The following CSMD1 variants were observed in gnomAD, a reference collection of about 807,000 sequenced individuals.
CSMD1 encodes the protein CUB and Sushi multiple domains 1, also known as CUB and sushi domain-containing protein 1.
A neutral mutation model predicts 417.5 loss-of-function variants in CSMD1; 213 were observed. That is an observed-to-expected ratio of 0.51 (90% CI 0.46 to 0.57). The LOEUF is 0.57. Ranked by LOEUF, CSMD1 falls within the 20% of genes least tolerant of loss-of-function variation. The pLI, the probability that CSMD1 is intolerant of heterozygous loss-of-function variation, is 0.00. For missense variants in CSMD1, 6,923 were observed against 4,529.7 expected (o/e 1.53, Z -15.17); for synonymous variants, 2,862 against 1,736.8 (o/e 1.65, Z -16.11).
intron 23 of CSMD1, among the ~76,000 whole-genome samples, chr8:3,324,752 C>T (rs751205577): frequency 6.6e-6 from 1 of 152,196 alleles, no homozygotes; most frequent in Non-Finnish European, 1.5e-5. Flanking sequence ...TTCCTTCACC[C>T]CACCTTCCAT....
chr8:4,366,263 TTC>T (rs748319565), intron 3 of CSMD1, among the ~76,000 whole-genome samples: 1,624 of 152,122 alleles, frequency 0.011, 30 homozygotes, highest in African/African-American at 0.036. Context: ...TCTTTTTTTT[TTC>T]TGTTTTATGG....
intron 3 of CSMD1, among the ~76,000 whole-genome samples, chr8:4,231,115 T>C (rs1801698488): frequency 6.6e-6 from 1 of 152,188 alleles, no homozygotes; most frequent in South Asian, 2.1e-4. Flanking sequence ...AGGATATATG[T>C]TGAACTACAG....
At chr8:3,231,565 T>C (rs994029921) in intron 26 of CSMD1, among the ~76,000 whole-genome samples, 32 of 152,290 alleles carry the variant, frequency 2.1e-4, no homozygotes, top group African/African-American at 6.5e-4. Flanking sequence ...TCCATTTAAA[T>C]AAAAAGTTAG....
intron 2 of CSMD1, among the ~76,000 whole-genome samples, chr8:4,583,065 CG>C (rs781227432): frequency 3.9e-5 from 6 of 152,186 alleles, no homozygotes; most frequent in Non-Finnish European, 7.4e-5. Flanking sequence ...TGCCTTCCCG[CG>C]GGGCAGGGCT....
At chr8:3,786,516 G>A (rs763151384) in intron 5 of CSMD1, among the ~76,000 whole-genome samples, 1 of 152,170 alleles carries the variant, frequency 6.6e-6, no homozygotes, top group African/African-American at 2.4e-5. Context: ...GTGGGTGAGA[G>A]CCAAGAATAT....
intron 3 of CSMD1, among the ~76,000 whole-genome samples, chr8:4,391,734 G>A (rs533579513): frequency 3.9e-5 from 6 of 152,120 alleles, no homozygotes; most frequent in Non-Finnish European, 8.8e-5. Context: ...AGTGCAATGT[G>A]CCTGAAGCCT....
At chr8:4,061,033 G>C (rs541618941) in intron 3 of CSMD1, among the ~76,000 whole-genome samples, 5 of 149,758 alleles carry the variant, frequency 3.3e-5, no homozygotes, top group Admixed American at 6.8e-5. Flanking sequence ...TACCCATTGT[G>C]ATTAATTTAT....
chr8:4,983,200 C>T (rs545967561), intron 1 of CSMD1, among the ~76,000 whole-genome samples: 2 of 152,308 alleles, frequency 1.3e-5, no homozygotes, highest in East Asian at 3.9e-4. Flanking sequence ...TTGACAAGTT[C>T]TAGTCTCAGT....
chr8:3,937,498 G>C (rs577904348), intron 5 of CSMD1, among the ~76,000 whole-genome samples: 2 of 152,246 alleles, frequency 1.3e-5, no homozygotes, highest in East Asian at 1.9e-4. Context: ...AAGATGATGA[G>C]TCATTGAAGG....
At chr8:3,911,398 G>A (rs1033702221) in intron 5 of CSMD1, among the ~76,000 whole-genome samples, 17 of 151,730 alleles carry the variant, frequency 1.1e-4, no homozygotes, top group African/African-American at 3.9e-4. Context: ...TATGGTGGCG[G>A]GCGCCTGTGA....
rs909035969 is a variant in CSMD1 at position 3,251,750 on chromosome 8, A to G, written c.4154-21519T>C. On this transcript the variant is annotated intron_variant, in intron 26 of 69. Transcript: ENST00000635120. ...CCTTTTTTATTTCATTGAGCAGTGG[A>G]TTGTAGTTCTCCTTGAAGAGGTCCT... 6.6e-5 allele frequency among the ~76,000 whole-genome samples: 10 copies of G among 152,064 alleles called. No homozygotes were observed. The East Asian group carries it at 1.9e-3, about 29-fold the overall frequency.
intron 7 of CSMD1, among the ~76,000 whole-genome samples, chr8:3,623,757 C>G (rs552195338): frequency 6.6e-6 from 1 of 152,170 alleles, no homozygotes; most frequent in African/African-American, 2.4e-5. Flanking sequence ...AGGCAGATCA[C>G]CTGAGGTGAG....
intron 50 of CSMD1, among the ~76,000 whole-genome samples, chr8:3,045,434 A>T (rs962228496): frequency 6.6e-6 from 1 of 152,204 alleles, no homozygotes; most frequent in Non-Finnish European, 1.5e-5. Context: ...AAGCCCTGTC[A>T]TATGTTTTAC....
intron 23 of CSMD1, 112 bp downstream of exon 23, chr8:3,343,182 A>G: frequency 1.1e-6 from 1 of 891,106 alleles, no homozygotes. Flanking sequence ...TGCAATCAAA[A>G]ACACAGTAGG....
In CSMD1 at chr8:3,276,443, T is replaced by C. The variant is rs148292400; in HGVS notation, c.4153+7701A>G. ...CTCCGACTGCAAGTCACATCTTACA[T>C]GGTGGCAGAGAAGAGAGAGCTTGTG... is the stretch of plus-strand genomic sequence containing the variant. On this transcript the variant is annotated intron_variant, in intron 26 of 69. Coordinates refer to ENST00000635120, the MANE Select transcript of CSMD1 (RefSeq NM_033225.6). 1.7e-3 allele frequency among the ~76,000 whole-genome samples: 261 copies of C among 152,300 alleles called. 1 individual carries two copies. The highest frequency in any genetic ancestry group is 5.8e-3 in the African/African-American group (243 of 41,556).
intron 3 of CSMD1, among the ~76,000 whole-genome samples, chr8:4,162,705 A>G (rs1417240747): frequency 6.6e-6 from 1 of 152,190 alleles, no homozygotes; most frequent in Non-Finnish European, 1.5e-5. Context: ...ATCCCACGCC[A>G]GAGTGGTGCA....
intron 30 of CSMD1, among the ~76,000 whole-genome samples, chr8:3,206,698 G>A (rs993421491): frequency 1.3e-5 from 2 of 151,360 alleles, no homozygotes; most frequent in African/African-American, 4.9e-5. Context: ...GTGTGTGTGG[G>A]GGGTTATGTC....
intron 5 of CSMD1, among the ~76,000 whole-genome samples, chr8:3,852,687 G>A (rs1456212731): frequency 1.3e-5 from 2 of 152,148 alleles, no homozygotes; most frequent in Non-Finnish European, 2.9e-5. Context: ...TGGGGGTGGG[G>A]AGGAGCCTTT....
chr8:4,972,119 T>G (rs751989201), intron 1 of CSMD1, among the ~76,000 whole-genome samples: 23 of 151,782 alleles, frequency 1.5e-4, no homozygotes, highest in Non-Finnish European at 2.5e-4. Flanking sequence ...AAAGAAAGAG[T>G]AATATCGTTA....
Sources: allele counts gnomAD v4.1 joint callset (sites outside exome capture counted in the v4.1 genomes callset), GRCh38; gene constraint gnomAD v4.1.1; transcripts MANE v1.5; gene names NCBI Gene and HGNC (gene_info 2026-07-23, HGNC 2026-07-21).